MAP3K15: variants seen among roughly 807,000 people sequenced by gnomAD.
MAP3K15 encodes MAPK/ERK kinase kinase 15.
A neutral mutation model predicts 99.5 loss-of-function variants in MAP3K15; 124 were observed. The observed-to-expected ratio is 1.25, with a 90% CI of 1.08 to 1.45. The LOEUF is 1.45. MAP3K15 is among the 40% of genes most tolerant of loss of function. The pLI, the probability that MAP3K15 is intolerant of heterozygous loss-of-function variation, is 0.00. For missense variants in MAP3K15, 1,242 were observed against 1,079.7 expected, an observed-to-expected ratio of 1.15 and a Z score of -2.11; for synonymous variants, 494 against 439.6, an observed-to-expected ratio of 1.12 and a Z score of -1.55.
At chrX:19,406,502 G>C (rs1224956677) in intron 13 of MAP3K15, among the ~76,000 whole-genome samples, 1 of 112,131 alleles carries the variant, frequency 8.9e-6, no homozygotes, top group African/African-American at 3.2e-5. Flanking sequence ...CCACTTATAT[G>C]AAATGGCCAG....
chrX:19,467,798 C>G (rs1197685710), intron 3 of MAP3K15, among the ~76,000 whole-genome samples: 1 of 106,976 alleles, frequency 9.3e-6, no homozygotes, highest in Non-Finnish European at 1.9e-5. Context: ...CACTGCACTC[C>G]AACATGGGCA....
intron 22 of MAP3K15, among the ~76,000 whole-genome samples, chrX:19,372,293 C>T (rs959368196): frequency 3.6e-5 from 4 of 111,225 alleles, no homozygotes; most frequent in Non-Finnish European, 7.5e-5. Context: ...GCAGCTCTAG[C>T]GTGTCCTACA....
intron 4 of MAP3K15, among the ~76,000 whole-genome samples, chrX:19,462,741 A>G (rs1008579417): frequency 9.0e-6 from 1 of 111,671 alleles, no homozygotes; most frequent in African/African-American, 3.3e-5. Flanking sequence ...CCAGCACAGG[A>G]CTCAAAATAG....
intron 4 of MAP3K15, among the ~76,000 whole-genome samples, chrX:19,460,393 C>T (rs970051313): frequency 2.7e-5 from 3 of 111,934 alleles, no homozygotes; most frequent in African/African-American, 6.5e-5. Flanking sequence ...AAGGTGACTC[C>T]CATCTGTACT....
rs995681278 is a variant in MAP3K15 at position 19,403,487 on chromosome X, C to G, written c.1845-2824G>C. On this transcript the variant is annotated intron_variant, in intron 13 of 28. Coordinates refer to ENST00000338883, the MANE Select transcript of MAP3K15 (RefSeq NM_001001671.4). ...TTTTTTTTTTTTTTTTTGACAGGAT[C>G]TTGCTCTGTCGCCCAGGCTGGAGTG... 8.3e-5 allele frequency among the ~76,000 whole-genome samples: 7 copies of G among 84,720 alleles called. No individual in the cohort carries two copies. The Admixed American group carries it at 1.0e-3, about 12-fold the overall frequency. 73.6% of individuals were successfully genotyped at this position (84,720 alleles called of 115,157 possible).
chrX:19,483,565 AGTGT>A (rs140310801), intron 3 of MAP3K15, among the ~76,000 whole-genome samples: 12 of 106,071 alleles, frequency 1.1e-4, no homozygotes, highest in South Asian at 4.2e-4. Flanking sequence ...ACTAACTATG[AGTGT>A]GTGTGTGTGT....
chrX:19,492,705 G>A (rs775038471), intron 1 of MAP3K15, among the ~76,000 whole-genome samples: 39 of 111,863 alleles, frequency 3.5e-4, no homozygotes, highest in Non-Finnish European at 7.0e-4. Flanking sequence ...GGTGGCTCAC[G>A]CCTGTAATCC....
intron 24 of MAP3K15, 148 bp downstream of exon 24, chrX:19,370,811 C>T (rs1438448915): frequency 1.7e-5 from 8 of 478,631 alleles, no homozygotes; most frequent in African/African-American, 1.0e-4. Context: ...GAATCAGCCC[C>T]GGAAGAAGTC....
At chrX:19,432,410 C>T (rs889137296) in intron 6 of MAP3K15, among the ~76,000 whole-genome samples, 5 of 109,171 alleles carry the variant, frequency 4.6e-5, no homozygotes, top group African/African-American at 1.7e-4. Context: ...CAAAAATTAG[C>T]CAGGTGTGGT....
At chrX:19,384,246 A>G (rs2063479333) in intron 18 of MAP3K15, among the ~76,000 whole-genome samples, 1 of 111,364 alleles carries the variant, frequency 9.0e-6, no homozygotes, top group African/African-American at 3.3e-5. Flanking sequence ...AGAAAGAGAA[A>G]CATTGCATGC....
At chrX:19,501,608 T>C (rs1569244841) in intron 1 of MAP3K15, among the ~76,000 whole-genome samples, 1 of 112,416 alleles carries the variant, frequency 8.9e-6, no homozygotes, top group East Asian at 2.8e-4. Flanking sequence ...CTGCTTTATC[T>C]CAACAGGAGA....
At chrX:19,421,750 G>A (rs2063788019) in intron 9 of MAP3K15, among the ~76,000 whole-genome samples, 1 of 108,835 alleles carries the variant, frequency 9.2e-6, no homozygotes, top group African/African-American at 3.5e-5. Flanking sequence ...GAACAAAGCT[G>A]GAGGCATCAC....
At chrX:19,377,156 A>T (rs1219860666) in intron 19 of MAP3K15, among the ~76,000 whole-genome samples, 1 of 112,499 alleles carries the variant, frequency 8.9e-6, no homozygotes, top group Non-Finnish European at 1.9e-5. Flanking sequence ...GGAATGAAGG[A>T]TCCCAGAAAT....
At chrX:19,480,490 A>G (rs949540180) in intron 3 of MAP3K15, among the ~76,000 whole-genome samples, 2 of 110,044 alleles carry the variant, frequency 1.8e-5, no homozygotes, top group Non-Finnish European at 3.8e-5. Flanking sequence ...AAAACAAAAC[A>G]AAAAACAAAG....
chrX:19,384,749 GAAA>G (rs34619145), intron 18 of MAP3K15, among the ~76,000 whole-genome samples: 2 of 22,559 alleles, frequency 8.9e-5, no homozygotes, highest in Non-Finnish European at 1.5e-4. Context: ...TGTCTCAGGG[GAAA>G]AAAAAAAAAA....
chrX:19,471,123 G>A (rs1261606665), intron 3 of MAP3K15, among the ~76,000 whole-genome samples: 1 of 111,203 alleles, frequency 9.0e-6, no homozygotes, highest in Non-Finnish European at 1.9e-5. Flanking sequence ...GACAGAAAAA[G>A]AAAAAATGAA....
In MAP3K15 at chrX:19,360,558, A is replaced by G. The variant is rs1042669783; in HGVS notation, c.*191T>C. The G allele has an allele frequency of 8.0e-6, 3 of 374,646 alleles. No homozygotes were observed. Among genetic ancestry groups the G allele is most frequent in the Non-Finnish European group, 1.4e-5 (3 of 216,674 alleles). The allele number at this position is 374,646 out of a possible 1,213,427, so 30.9% of individuals were successfully genotyped here. A position where few individuals can be genotyped will look rare whatever the true frequency, so the allele number is the denominator to read the frequency against. On this transcript the variant is annotated 3_prime_UTR_variant, in exon 29 of 29. Coordinates refer to ENST00000338883, the MANE Select transcript of MAP3K15 (RefSeq NM_001001671.4). ...GGCTCACTGTTTTCACAATACACAC[A>G]GTTCTATGTTTATAAATAACAGGTT...
rs1436980802 is a variant in MAP3K15 at position 19,473,540 on chromosome X, T to C, written c.526-9134A>G. Among the ~76,000 whole-genome samples the C allele has an allele frequency of 3.1e-4, 35 of 112,551 alleles. No individual in the cohort carries two copies. The Admixed American group carries it at 3.3e-3, about 11-fold the overall frequency. Reference sequence around the variant, plus strand: ...ATTTAACAAACGCAGTTTAGTTTCCTACATAAAGAGGTATTTGAACCAGTA... The same window carrying C: ...ATTTAACAAACGCAGTTTAGTTTCCCACATAAAGAGGTATTTGAACCAGTA... On this transcript the variant is annotated intron_variant, in intron 3 of 28. Transcript: ENST00000338883.
intron 9 of MAP3K15, among the ~76,000 whole-genome samples, chrX:19,422,929 C>G (rs2063798605): frequency 1.0e-5 from 1 of 99,942 alleles, no homozygotes; most frequent in South Asian, 4.8e-4. Context: ...ATCACAAGGA[C>G]AAAAAACCAA....
Sources: gnomAD v4.1 joint callset for allele counts (sites outside exome capture counted in the v4.1 genomes callset) on GRCh38, gnomAD v4.1.1 for gene constraint, MANE v1.5 for transcripts, NCBI Gene and HGNC (gene_info 2026-07-23, HGNC 2026-07-21) for gene names.